SRRM1: variants seen among roughly 807,000 people sequenced by gnomAD.
The protein encoded by SRRM1 is serine and arginine repetitive matrix 1, also known as serine/arginine repetitive matrix protein 1.
A neutral mutation model predicts 110.2 loss-of-function variants in SRRM1; 19 were observed. That is an observed-to-expected ratio of 0.17 (90% CI 0.12 to 0.25). SRRM1 has a LOEUF of 0.25. Ranked by LOEUF, SRRM1 falls within the 10% of genes least tolerant of loss-of-function variation. The pLI, the probability that SRRM1 is intolerant of heterozygous loss-of-function variation, is 1.00. For synonymous variants in SRRM1, 443 were observed against 414.9 expected (o/e 1.07, Z -0.82); for missense variants, 918 against 1,145.8 (o/e 0.80, Z 2.87).
At chr1:24,665,139 G>A (rs998930572) in intron 12 of SRRM1, among the ~76,000 whole-genome samples, 3 of 152,146 alleles carry the variant, frequency 2.0e-5, no homozygotes, top group African/African-American at 7.2e-5. Context: ...TAGAAGGGGA[G>A]ATAGAGGCCG....
chr1:24,648,828 C>G, intron 3 of SRRM1, 31 bp from the exon 4 acceptor site: 1 of 1,600,206 alleles, frequency 6.2e-7, no homozygotes, highest in African/African-American at 1.4e-5. Flanking sequence ...TTGAAGTAAC[C>G]TGTTTTTCTT....
intron 5 of SRRM1, 62 bp from the exon 6 acceptor site, chr1:24,651,347 T>C: frequency 7.3e-7 from 1 of 1,370,600 alleles, no homozygotes; most frequent in Non-Finnish European, 1.0e-6. Flanking sequence ...CACTTCTCCC[T>C]TTGACTCCTC....
chr1:24,652,598 G>C lies in SRRM1; in HGVS notation c.890G>C (p.Arg297Pro). 6.2e-7 allele frequency: 1 copy of C among 1,608,914 alleles called. No individual in the cohort carries two copies. The highest frequency in any genetic ancestry group is 8.5e-7 in the Non-Finnish European group (1 of 1,178,540). Residue 297 changes from arginine to proline, a missense_variant, in exon 7 of 17, where the codon CGA becomes CCA. Arg to Pro is a moderately radical substitution (Grantham distance 103, BLOSUM62 -2). Coordinates refer to ENST00000323848, the MANE Select transcript of SRRM1 (RefSeq NM_005839.4). ...RTRSRSPSHTRPRRRHRSRSR... is the reference protein window; with the variant it reads ...RTRSRSPSHTPPRRRHRSRSR... ...CGGTCCCGCTCTCCTTCTCACACTC[G>C]ACCTAGACGGCGCCATAGATCCCGA...
intron 12 of SRRM1, chr1:24,663,172 A>T (rs1169035170): frequency 1.3e-6 from 2 of 1,510,800 alleles, no homozygotes; most frequent in South Asian, 2.5e-5. Context: ...GTTTTTCTCC[A>T]CTGCTCTCAG....
intron 8 of SRRM1, among the ~76,000 whole-genome samples, chr1:24,653,965 T>G (rs1425780064): frequency 2.6e-5 from 4 of 152,326 alleles, no homozygotes; most frequent in South Asian, 4.1e-4. Context: ...AGTCCCATAT[T>G]TTGAAAATTT....
At chr1:24,658,402 T>G (rs1307273013) in intron 9 of SRRM1, among the ~76,000 whole-genome samples, 1 of 152,124 alleles carries the variant, frequency 6.6e-6, no homozygotes, top group Non-Finnish European at 1.5e-5. Flanking sequence ...TAAAGACTAC[T>G]TTAGCTGAGT....
At chr1:24,654,759 G>GATTA (rs1433321619) in intron 8 of SRRM1, 96 bp from the exon 9 acceptor site, 9 of 1,451,632 alleles carry the variant, frequency 6.2e-6, no homozygotes, top group Non-Finnish European at 8.5e-6. Context: ...TCAAAAGTCG[G>GATTA]ATTAAAATAG....
chr1:24,656,978 C>G (rs1664495899), intron 9 of SRRM1, among the ~76,000 whole-genome samples: 1 of 152,142 alleles, frequency 6.6e-6, no homozygotes, highest in Admixed American at 6.5e-5. Flanking sequence ...CTTCCGTGTT[C>G]AAACAACCTA....
chr1:24,654,071 G>A (rs904257378), intron 8 of SRRM1, among the ~76,000 whole-genome samples: 13 of 152,256 alleles, frequency 8.5e-5, no homozygotes, highest in African/African-American at 3.1e-4. Context: ...GAGGTAAATG[G>A]TCAGTCAATT....
intron 12 of SRRM1, among the ~76,000 whole-genome samples, chr1:24,663,642 T>C (rs1668354983): frequency 6.6e-6 from 1 of 151,882 alleles, no homozygotes. Context: ...TTTAGAAATA[T>C]TAAAAGTGAG....
chr1:24,655,221 A>C, intron 9 of SRRM1, 92 bp downstream of exon 9: 3 of 1,340,468 alleles, frequency 2.2e-6, no homozygotes, highest in Non-Finnish European at 3.1e-6. Context: ...CAAAGTATGA[A>C]ATAGCTAGAT....
At chr1:24,652,042 A>ATATG (rs2148349032) in intron 6 of SRRM1, among the ~76,000 whole-genome samples, 1 of 121,198 alleles carries the variant, frequency 8.3e-6, no homozygotes, top group African/African-American at 3.5e-5. Context: ...ATATATATAT[A>ATATG]TATATATATA....
chr1:24,662,887 G>A (rs1233455038), intron 12 of SRRM1, 83 bp downstream of exon 12: 32 of 1,549,186 alleles, frequency 2.1e-5, no homozygotes, highest in Non-Finnish European at 2.8e-5. Flanking sequence ...TGAGAATTTG[G>A]TTAACTCCTT....
At chr1:24,665,873 G>A (rs1340718442) in intron 12 of SRRM1, among the ~76,000 whole-genome samples, 15 of 152,152 alleles carry the variant, frequency 9.9e-5, no homozygotes, top group Admixed American at 5.2e-4. Context: ...AGTTTCTAAC[G>A]GGAACCAAGA....
chr1:24,645,809 T>G (rs145146032), intron 1 of SRRM1, among the ~76,000 whole-genome samples, 175 bp from the exon 2 acceptor site: 62 of 152,352 alleles, frequency 4.1e-4, no homozygotes, highest in African/African-American at 1.3e-3. Context: ...AAAAATCCAG[T>G]CAAGTTTTCC....
At chr1:24,652,062 A>ATG (rs1553167321) in intron 6 of SRRM1, among the ~76,000 whole-genome samples, 1 of 132,452 alleles carries the variant, frequency 7.5e-6, no homozygotes, top group Non-Finnish European at 1.6e-5. Context: ...ATATATATAT[A>ATG]TGTACACACA....
At chr1:24,658,853 C>T (rs1665679630) in intron 9 of SRRM1, among the ~76,000 whole-genome samples, 1 of 152,188 alleles carries the variant, frequency 6.6e-6, no homozygotes, top group Non-Finnish European at 1.5e-5. Context: ...GATAGCCATT[C>T]TTTACCCAAT....
chr1:24,652,029 A>AAATATATATATAT (rs1387655792), intron 6 of SRRM1, among the ~76,000 whole-genome samples: 1 of 79,846 alleles, frequency 1.3e-5, no homozygotes, highest in African/African-American at 4.2e-5. Context: ...CTGTACTAAA[A>AAATATATATATAT]ATATATATAT....
chr1:24,671,529 A>T lies in SRRM1; in HGVS notation c.2544A>T (p.Ala848=), dbSNP rs376912846. The T allele has an allele frequency of 6.2e-7, 1 of 1,609,238 alleles. No homozygotes were observed. Among genetic ancestry groups the T allele is most frequent in the African/African-American group, 1.3e-5 (1 of 74,438 alleles). ...AAAAAAAVTP[A]AIAAATTTLA... ...CTGCTGCAGCTGCTGTGACCCCTGCAGCCATTGCAGCTGCCACAACCACAT... is the reference window on the plus strand; with the variant it reads ...CTGCTGCAGCTGCTGTGACCCCTGCTGCCATTGCAGCTGCCACAACCACAT... The change falls in exon 16 of 17, where the codon GCA becomes GCT. Residue 848 remains alanine (A), a synonymous_variant. Coordinates refer to ENST00000323848, the MANE Select transcript of SRRM1 (RefSeq NM_005839.4).
Sources: allele counts gnomAD v4.1 joint callset (sites outside exome capture counted in the v4.1 genomes callset), GRCh38; gene constraint gnomAD v4.1.1; transcripts MANE v1.5; gene names NCBI Gene and HGNC (gene_info 2026-07-23, HGNC 2026-07-21).